DNAH6: variants seen among roughly 807,000 people sequenced by gnomAD.
DNAH6 encodes axonemal beta dynein heavy chain 6.
A neutral mutation model predicts 491.4 loss-of-function variants in DNAH6; 340 were observed. The observed-to-expected ratio is 0.69, with a 90% CI of 0.63 to 0.76. The LOEUF (loss-of-function observed/expected upper bound fraction) is 0.76, where lower values mean the gene tolerates loss of function less well. Ranked by LOEUF, DNAH6 falls within the 30% of genes least tolerant of loss-of-function variation. The pLI is 0.00. For synonymous variants in DNAH6, 1,603 were observed against 1,686.1 expected, an observed-to-expected ratio of 0.95 and a Z score of 1.21; for missense variants, 4,443 against 4,972.2, an observed-to-expected ratio of 0.89 and a Z score of 3.20.
intron 2 of DNAH6, among the ~76,000 whole-genome samples, chr2:84,523,404 C>T (rs186437834): frequency 1.3e-5 from 2 of 151,984 alleles, no homozygotes; most frequent in South Asian, 2.1e-4. Flanking sequence ...TTCAAAAAAC[C>T]AACTCCTGGA....
chr2:84,542,057 A>G (rs1678303482), intron 4 of DNAH6, among the ~76,000 whole-genome samples: 2 of 152,186 alleles, frequency 1.3e-5, no homozygotes, highest in African/African-American at 4.8e-5. Flanking sequence ...GTTCTGCGAT[A>G]AGAAGAGAAA....
At chr2:84,760,238 T>C (rs950806178) in intron 63 of DNAH6, among the ~76,000 whole-genome samples, 4 of 152,202 alleles carry the variant, frequency 2.6e-5, no homozygotes, top group Non-Finnish European at 5.9e-5. Context: ...GGGAAACTCT[T>C]CTTGACATTG....
In DNAH6 at chr2:84,784,754, T is replaced by G. The variant is rs781224561; in HGVS notation, c.10897T>G (p.Leu3633Val). 13 of 1,550,994 alleles carry G rather than the reference T, an allele frequency of 8.4e-6. No individual in the cohort carries two copies. The highest frequency in any genetic ancestry group is 1.1e-5 in the Non-Finnish European group (13 of 1,146,432). Residue 3633 changes from leucine to valine, a missense_variant, in exon 66 of 77, where the codon TTA (leucine) becomes GTA (valine). By Grantham distance (32) the Leu-to-Val change is conservative (BLOSUM62 1). Transcript: ENST00000389394. ...TATCAAGGACACTTTTCGACTTTTTTTAAGCTCCATGCCTAGTAATACATT... is the reference window on the plus strand; with the variant it reads ...TATCAAGGACACTTTTCGACTTTTTGTAAGCTCCATGCCTAGTAATACATT... ...SAIKDTFRLF[L>V]SSMPSNTFPV...
At chr2:84,545,678 GATTGGCCTAA>G (rs1446046044) in intron 5 of DNAH6, among the ~76,000 whole-genome samples, 5 of 152,030 alleles carry the variant, frequency 3.3e-5, no homozygotes, top group Non-Finnish European at 7.4e-5. Context: ...TTTAAGCAAG[GATTGGCCTAA>G]ATAACAGACT....
intron 62 of DNAH6, among the ~76,000 whole-genome samples, chr2:84,734,152 T>C (rs1179806085): frequency 1.3e-5 from 2 of 150,296 alleles, no homozygotes; most frequent in African/African-American, 4.9e-5. Context: ...TACACTTTTT[T>C]TTTTTTTTTT....
chr2:84,607,673 G>A (rs939926684), intron 21 of DNAH6, among the ~76,000 whole-genome samples: 2 of 152,110 alleles, frequency 1.3e-5, no homozygotes, highest in Non-Finnish European at 1.5e-5. Flanking sequence ...TATGTTTATA[G>A]TGTACTGTAG....
chr2:84,470,515 C>T, the DNAH6 span, among the ~76,000 whole-genome samples: 3 of 152,194 alleles, frequency 2.0e-5, no homozygotes, highest in Non-Finnish European at 4.4e-5. Flanking sequence ...CCTGACATCA[C>T]CATGGCATTT....
Position 84,553,628 on chromosome 2 carries a change from A to ATTTTTTT in DNAH6, c.1602+610_1602+616dup, listed in dbSNP as rs748931607. Among the ~76,000 whole-genome samples, 307 of 90,966 alleles carry ATTTTTTT rather than the reference A, an allele frequency of 3.4e-3. 4 individuals are homozygous for ATTTTTTT. Among genetic ancestry groups the ATTTTTTT allele is most frequent in the East Asian group, 6.3e-3 (18 of 2,876 alleles). 59.7% of individuals were successfully genotyped at this position (90,966 alleles called of 152,430 possible). A position where few individuals can be genotyped will look rare whatever the true frequency, so the allele number is the denominator to read the frequency against. ...CAGGTGTATGCCACCAGGACTGGCTATTTTTTTTTTTTTTTTTTTTTTGTA... is the reference window on the plus strand; with the variant it reads ...CAGGTGTATGCCACCAGGACTGGCTATTTTTTTTTTTTTTTTTTTTTTTTTTTTTGTA... On this transcript the variant is annotated intron_variant, in intron 10 of 76. Transcript: ENST00000389394.
chr2:84,810,026 T>A (rs1165429460), intron 72 of DNAH6, among the ~76,000 whole-genome samples: 2 of 152,262 alleles, frequency 1.3e-5, no homozygotes, highest in Non-Finnish European at 2.9e-5. Context: ...GAACACCAGC[T>A]TATGTCTTGC....
intron 29 of DNAH6, among the ~76,000 whole-genome samples, chr2:84,630,619 A>C (rs568482644): frequency 6.6e-5 from 10 of 152,362 alleles, no homozygotes; most frequent in Admixed American, 5.9e-4. Context: ...AAAGAGATTT[A>C]AGAGACACAG....
intron 2 of DNAH6, among the ~76,000 whole-genome samples, chr2:84,525,174 A>G (rs1676495213): frequency 1.3e-5 from 2 of 152,068 alleles, no homozygotes; most frequent in African/African-American, 4.8e-5. Flanking sequence ...AGTTATGGCT[A>G]TGAGAAGTGG....
chr2:84,513,082 G>T (rs989663021), upstream of DNAH6, among the ~76,000 whole-genome samples: 1 of 149,198 alleles, frequency 6.7e-6, no homozygotes, highest in South Asian at 2.2e-4. Flanking sequence ...ATTTTTTTAA[G>T]TGTACCATTT....
chr2:84,774,362 T>C (rs934934583), intron 64 of DNAH6, among the ~76,000 whole-genome samples: 2 of 152,144 alleles, frequency 1.3e-5, no homozygotes, highest in Non-Finnish European at 2.9e-5. Context: ...TTGTCAAAGA[T>C]GAGATGACTG....
chr2:84,634,757 G>T (rs1573304870), intron 30 of DNAH6, 116 bp downstream of exon 30: 2 of 1,293,362 alleles, frequency 1.5e-6, no homozygotes, highest in East Asian at 2.9e-5. Context: ...ATCCTGGGGA[G>T]CCCAAGGGGA....
chr2:84,688,297 AT>A lies in DNAH6; in HGVS notation c.7138-139del. 8.1e-6 allele frequency: 5 copies of A among 618,936 alleles called. No individual in the cohort carries two copies. In the South Asian group the frequency reaches 1.5e-4, roughly 19 times the overall value. The allele number at this position is 618,936 out of a possible 1,614,324, so 38.3% of individuals were successfully genotyped here. A position where few individuals can be genotyped will look rare whatever the true frequency, so the allele number is the denominator to read the frequency against. On this transcript the variant is annotated intron_variant, in intron 44 of 76. Transcript: ENST00000389394. ...GCATTGTGAGAAAAATCAAAACCCT[AT>A]TTCTGAGCTCCTATGTAAATTTTAT...
intron 11 of DNAH6, among the ~76,000 whole-genome samples, chr2:84,567,064 A>G (rs940624361): frequency 2.6e-5 from 4 of 152,148 alleles, no homozygotes; most frequent in Non-Finnish European, 5.9e-5. Context: ...TTATCTAACT[A>G]TGACTTAAAA....
chr2:84,764,604 GA>G (rs932292183), intron 64 of DNAH6, among the ~76,000 whole-genome samples: 3 of 152,094 alleles, frequency 2.0e-5, no homozygotes, highest in Non-Finnish European at 2.9e-5. Flanking sequence ...GCATCATAGA[GA>G]AAAAATCAAT....
the DNAH6 span, among the ~76,000 whole-genome samples, chr2:84,481,149 C>G: frequency 6.6e-6 from 1 of 152,228 alleles, no homozygotes; most frequent in Middle Eastern, 3.4e-3. Flanking sequence ...GGTTGGGCAG[C>G]AGTGGGCAGC....
chr2:84,815,808 C>A (rs1680430902), intron 75 of DNAH6, 53 bp from the exon 76 acceptor site: 3 of 1,359,256 alleles, frequency 2.2e-6, no homozygotes, highest in South Asian at 1.3e-5. Flanking sequence ...GTGGCTCACA[C>A]CTGCTGATCC....
Sources: gnomAD v4.1 joint callset for allele counts (sites outside exome capture counted in the v4.1 genomes callset) on GRCh38, gnomAD v4.1.1 for gene constraint, MANE v1.5 for transcripts, NCBI Gene and HGNC (gene_info 2026-07-23, HGNC 2026-07-21) for gene names.